RANBP17: variants seen among roughly 807,000 people sequenced by gnomAD.
RANBP17 encodes RAN binding protein 17, also known as ran-binding protein 17.
RANBP17 carries 158 observed loss-of-function variants against 141.2 expected under a neutral mutation model. That is an observed-to-expected ratio of 1.12 (90% CI 0.98 to 1.28). The LOEUF is 1.28. RANBP17 is among the 50% of genes most tolerant of loss of function. RANBP17 has a pLI of 0.00. For synonymous variants in RANBP17, 430 were observed against 450.0 expected, an observed-to-expected ratio of 0.96 and a Z score of 0.56; for missense variants, 1,438 against 1,290.7, an observed-to-expected ratio of 1.11 and a Z score of -1.75.
chr5:171,148,112 A>C (rs1023593207), intron 14 of RANBP17, among the ~76,000 whole-genome samples: 10 of 152,004 alleles, frequency 6.6e-5, no homozygotes, highest in African/African-American at 9.7e-5. Context: ...GCTCTCTGAA[A>C]CATGTGCTGT....
intron 24 of RANBP17, among the ~76,000 whole-genome samples, chr5:171,245,159 A>G (rs947522294): frequency 5.9e-5 from 9 of 151,980 alleles, no homozygotes; most frequent in African/African-American, 2.2e-4. Context: ...TAGCTGTTTT[A>G]AGGTCCTTGT....
chr5:171,147,871 C>G lies in RANBP17; in HGVS notation c.1711-22259C>G, dbSNP rs572242373. On this transcript the variant is annotated intron_variant, in intron 14 of 27. Coordinates refer to ENST00000523189, the MANE Select transcript of RANBP17 (RefSeq NM_022897.5). ...GTGAGGAGCCCCTCTGCCCGGCCAC[C>G]ACCCCGTCTGGGAGGTGTGCCCAAC... Among the ~76,000 whole-genome samples, 482 of 152,310 alleles carry G rather than the reference C, an allele frequency of 3.2e-3. 4 individuals carry two copies. The highest frequency in any genetic ancestry group is 0.024 in the South Asian group (115 of 4,822).
intron 14 of RANBP17, among the ~76,000 whole-genome samples, chr5:171,015,863 T>C (rs966376865): frequency 3.2e-4 from 49 of 152,172 alleles, no homozygotes; most frequent in African/African-American, 1.2e-3. Context: ...TCTGTTGATA[T>C]AGAGATTATT....
chr5:170,920,749 C>T (rs1310667125), intron 11 of RANBP17, among the ~76,000 whole-genome samples: 1 of 152,146 alleles, frequency 6.6e-6, no homozygotes, highest in East Asian at 1.9e-4. Context: ...CACATCCTCT[C>T]CAGCATCTGT....
rs530851926 is a variant in RANBP17 at position 171,112,427 on chromosome 5, C to CA, written c.1711-57695dup. Among the ~76,000 whole-genome samples, 375 of 149,472 alleles carry CA rather than the reference C, an allele frequency of 2.5e-3. 2 individuals carry two copies. Among genetic ancestry groups the CA allele is most frequent in the African/African-American group, 8.6e-3 (351 of 40,932 alleles). ...AAATGGCATATTGTGTCCAAACAAACAAAAAAAAGGTAAATACTTGAAAGT... is the reference window on the plus strand; with the variant it reads ...AAATGGCATATTGTGTCCAAACAAACAAAAAAAAAGGTAAATACTTGAAAGT... On this transcript the variant is annotated intron_variant, in intron 14 of 27. Coordinates refer to ENST00000523189, the MANE Select transcript of RANBP17 (RefSeq NM_022897.5).
At chr5:170,882,206 C>T (rs1025291091) in intron 3 of RANBP17, among the ~76,000 whole-genome samples, 9 of 152,110 alleles carry the variant, frequency 5.9e-5, no homozygotes, top group African/African-American at 2.2e-4. Context: ...CTCAGCCTCC[C>T]GAGTAGCTGG....
chr5:171,289,144 C>T (rs1768335499), intron 25 of RANBP17, among the ~76,000 whole-genome samples: 1 of 152,122 alleles, frequency 6.6e-6, no homozygotes, highest in Non-Finnish European at 1.5e-5. Context: ...TGATGTGTGC[C>T]AGTGCCTAAC....
intron 14 of RANBP17, among the ~76,000 whole-genome samples, chr5:171,088,059 T>C (rs1338444201): frequency 6.6e-6 from 1 of 151,934 alleles, no homozygotes; most frequent in Non-Finnish European, 1.5e-5. Context: ...CTTCCTAGTC[T>C]CGATGGTCTT....
At position 170,895,300 on chromosome 5, in the gene RANBP17, G is replaced by A. The variant is rs190072914; in HGVS notation, c.424-750G>A. Reference sequence around the variant, plus strand: ...ATCTTCTGTGTCAGTTTTTAAAAATGATTGCAATGTAATTGGATGCTGCAT... The same window carrying A: ...ATCTTCTGTGTCAGTTTTTAAAAATAATTGCAATGTAATTGGATGCTGCAT... On this transcript the variant is annotated intron_variant, in intron 4 of 27. Coordinates refer to ENST00000523189, the MANE Select transcript of RANBP17 (RefSeq NM_022897.5). 1.6e-3 allele frequency among the ~76,000 whole-genome samples: 237 copies of A among 152,254 alleles called. 1 individual carries two copies. The highest frequency in any genetic ancestry group is 5.6e-3 in the African/African-American group (233 of 41,552).
chr5:170,899,135 A>G (rs1770398650), intron 5 of RANBP17, among the ~76,000 whole-genome samples: 1 of 152,178 alleles, frequency 6.6e-6, no homozygotes, highest in Admixed American at 6.5e-5. Context: ...CACAATATTG[A>G]TTCTTCCTAT....
chr5:171,053,921 ATAT>A lies in RANBP17; in HGVS notation c.1710+85545_1710+85547del, dbSNP rs1783163350. Among the ~76,000 whole-genome samples the A allele has an allele frequency of 1.3e-4, 5 of 39,536 alleles. 1 individual carries two copies. The highest frequency in any genetic ancestry group is 3.1e-4 in the African/African-American group (5 of 16,060). The allele number at this position is 39,536 out of a possible 152,430, so 25.9% of individuals were successfully genotyped here. ...TATATATATATATATATATATATATATATAATTGCTGTATTTGATGCATATATG... is the reference window on the plus strand; with the variant it reads ...TATATATATATATATATATATATATAAATTGCTGTATTTGATGCATATATG... On this transcript the variant is annotated intron_variant, in intron 14 of 27. Transcript: ENST00000523189.
At chr5:171,229,458 G>A (rs371218151) in intron 22 of RANBP17, among the ~76,000 whole-genome samples, 3 of 152,034 alleles carry the variant, frequency 2.0e-5, no homozygotes, top group African/African-American at 4.8e-5. Flanking sequence ...GCAATGGCAC[G>A]ATCTTAGCTC....
chr5:171,166,438 T>C (rs1759703259), intron 14 of RANBP17, among the ~76,000 whole-genome samples: 2 of 151,322 alleles, frequency 1.3e-5, no homozygotes, highest in South Asian at 4.2e-4. Flanking sequence ...TTTTTTTTTT[T>C]CCTTTTCTTG....
Position 170,894,490 on chromosome 5 carries a change from A to G in RANBP17, c.424-1560A>G, listed in dbSNP as rs957794831. On this transcript the variant is annotated intron_variant, in intron 4 of 27. Coordinates refer to ENST00000523189, the MANE Select transcript of RANBP17 (RefSeq NM_022897.5). ...AGAATAGTTAGTACGTGTTTTTTAT[A>G]TATATATATATATATATGGCTTGAC... Among the ~76,000 whole-genome samples the G allele has an allele frequency of 5.5e-5, 8 of 146,114 alleles. 1 individual carries two copies. The highest frequency in any genetic ancestry group is 2.7e-4 in the Admixed American group (4 of 14,600).
At chr5:170,894,164 TC>T (rs1336439178) in intron 4 of RANBP17, among the ~76,000 whole-genome samples, 1 of 152,198 alleles carries the variant, frequency 6.6e-6, no homozygotes, top group Non-Finnish European at 1.5e-5. Context: ...AGTATGAGCT[TC>T]ACACTTCAGA....
At chr5:171,088,800 G>A (rs1348973315) in intron 14 of RANBP17, among the ~76,000 whole-genome samples, 1 of 152,086 alleles carries the variant, frequency 6.6e-6, no homozygotes, top group Non-Finnish European at 1.5e-5. Flanking sequence ...TCGAGCCTTG[G>A]TTTTCAGCTC....
chr5:170,929,278 GTTAAGAAGGGGACATTC>G (rs1773156514), intron 12 of RANBP17, among the ~76,000 whole-genome samples: 1 of 152,008 alleles, frequency 6.6e-6, no homozygotes, highest in Non-Finnish European at 1.5e-5. Flanking sequence ...TGAATAAAAT[GTTAAGAAGGGGACATTC>G]TTGCCTTGTT....
chr5:171,035,583 C>T (rs1482055036), intron 14 of RANBP17, among the ~76,000 whole-genome samples: 3 of 146,916 alleles, frequency 2.0e-5, no homozygotes, highest in African/African-American at 7.5e-5. Flanking sequence ...ATGATACAGG[C>T]TTTATTATCT....
chr5:171,241,483 G>A (rs1764875151), intron 23 of RANBP17, among the ~76,000 whole-genome samples: 2 of 152,088 alleles, frequency 1.3e-5, no homozygotes, highest in South Asian at 4.2e-4. Flanking sequence ...GTCAACCTGT[G>A]TAAGAAATGC....
Sources: gnomAD v4.1 joint callset for allele counts (sites outside exome capture counted in the v4.1 genomes callset) on GRCh38, gnomAD v4.1.1 for gene constraint, MANE v1.5 for transcripts, NCBI Gene and HGNC (gene_info 2026-07-23, HGNC 2026-07-21) for gene names.